Variants in TAX1BP1 observed in about 807,000 individuals in gnomAD.
The protein encoded by TAX1BP1 is Tax1 binding protein 1.
A neutral mutation model predicts 97.7 loss-of-function variants in TAX1BP1; 62 were observed. That is an observed-to-expected ratio of 0.63 (90% CI 0.52 to 0.78). The LOEUF (loss-of-function observed/expected upper bound fraction) is 0.78, where lower values mean the gene tolerates loss of function less well. TAX1BP1 is among the 30% of genes least tolerant of loss of function. The pLI is 0.00. For synonymous variants in TAX1BP1, 340 were observed against 304.2 expected (o/e 1.12, Z -1.23); for missense variants, 867 against 916.1 (o/e 0.95, Z 0.69).
intron 3 of TAX1BP1, among the ~76,000 whole-genome samples, chr7:27,758,710 A>G (rs1788316841): frequency 6.6e-6 from 1 of 152,198 alleles, no homozygotes; most frequent in Admixed American, 6.5e-5. Context: ...AATCACAAAA[A>G]GAAAAATACT....
chr7:27,782,028 A>C lies in TAX1BP1; in HGVS notation c.613-3135A>C, dbSNP rs184630678. ...ACCGCACCTGGCCAGACTATACTAA[A>C]TGTATAAAATATTTTTTTCTCCAAA... On this transcript the variant is annotated intron_variant, in intron 5 of 16. Coordinates refer to ENST00000396319, the MANE Select transcript of TAX1BP1 (RefSeq NM_006024.7). Among the ~76,000 whole-genome samples, 939 of 152,248 alleles carry C rather than the reference A, an allele frequency of 6.2e-3. 3 individuals are homozygous for C. Among genetic ancestry groups the C allele is most frequent in the Middle Eastern group, 0.024 (7 of 294 alleles).
intron 5 of TAX1BP1, among the ~76,000 whole-genome samples, chr7:27,779,775 T>C (rs1302703307): frequency 6.6e-6 from 1 of 152,182 alleles, no homozygotes; most frequent in Non-Finnish European, 1.5e-5. Flanking sequence ...TGCATGATTA[T>C]TCGGGGGCCT....
chr7:27,814,271 TCTC>T (rs1253695917), intron 13 of TAX1BP1, among the ~76,000 whole-genome samples: 1 of 152,170 alleles, frequency 6.6e-6, no homozygotes, highest in Non-Finnish European at 1.5e-5. Flanking sequence ...TCTAAATATA[TCTC>T]CTATTTCTCA....
intron 11 of TAX1BP1, 95 bp from the exon 12 acceptor site, chr7:27,796,020 AT>A (rs1789919220): frequency 2.4e-6 from 2 of 839,234 alleles, no homozygotes; most frequent in African/African-American, 3.5e-5. Flanking sequence ...CATTTACTAT[AT>A]TTTACAGTAT....
At chr7:27,747,821 A>G (rs1787881079) in intron 1 of TAX1BP1, among the ~76,000 whole-genome samples, 1 of 151,484 alleles carries the variant, frequency 6.6e-6, no homozygotes, top group Admixed American at 6.6e-5. Flanking sequence ...ACAGACACAC[A>G]TGCACACACT....
chr7:27,828,107 A>G (rs1476213065), intron 16 of TAX1BP1, among the ~76,000 whole-genome samples: 2 of 152,242 alleles, frequency 1.3e-5, no homozygotes, highest in Non-Finnish European at 2.9e-5. Context: ...TAGTTTTGCA[A>G]AAAACACCTA....
intron 7 of TAX1BP1, among the ~76,000 whole-genome samples, chr7:27,785,796 G>A (rs1351356850): frequency 6.6e-6 from 1 of 152,146 alleles, no homozygotes; most frequent in East Asian, 1.9e-4. Context: ...GCTTCTCTCA[G>A]AGTGAGTGAT....
intron 1 of TAX1BP1, among the ~76,000 whole-genome samples, chr7:27,744,551 T>C (rs1787748357): frequency 6.6e-6 from 1 of 152,262 alleles, no homozygotes; most frequent in Non-Finnish European, 1.5e-5. Flanking sequence ...ATATTTAGTA[T>C]TTATCTAAAT....
At chr7:27,741,763 G>A (rs1258047525) in intron 1 of TAX1BP1, among the ~76,000 whole-genome samples, 1 of 152,160 alleles carries the variant, frequency 6.6e-6, no homozygotes, top group African/African-American at 2.4e-5. Context: ...GAAATAAGGG[G>A]ATCCGGGGAA....
chr7:27,813,350 C>CT (rs1031717788), intron 13 of TAX1BP1, among the ~76,000 whole-genome samples: 169 of 145,448 alleles, frequency 1.2e-3, no homozygotes, highest in South Asian at 1.8e-3. Flanking sequence ...CTTTTCTTTT[C>CT]TTTTTTTTTT....
chr7:27,760,216 A>G (rs574888922), intron 3 of TAX1BP1, among the ~76,000 whole-genome samples: 2 of 152,248 alleles, frequency 1.3e-5, no homozygotes, highest in East Asian at 3.9e-4. Context: ...TACCATATTC[A>G]GAATGTTAAA....
At chr7:27,806,333 G>A (rs1285759327) in intron 13 of TAX1BP1, among the ~76,000 whole-genome samples, 1 of 151,598 alleles carries the variant, frequency 6.6e-6, no homozygotes. Context: ...TGATCCACCC[G>A]CCTCAGCCTT....
In TAX1BP1 at chr7:27,816,469, G is replaced by GC. The variant is rs752000060; in HGVS notation, c.1886dup (p.Gln630ThrfsTer8). 1 of 1,563,208 alleles carries GC rather than the reference G, an allele frequency of 6.4e-7. No homozygotes were observed. Among genetic ancestry groups the GC allele is most frequent in the South Asian group, 1.2e-5 (1 of 80,626 alleles). On this transcript the variant is annotated frameshift_variant, in exon 14 of 17. Coordinates refer to ENST00000396319, the MANE Select transcript of TAX1BP1 (RefSeq NM_006024.7). LOFTEE classifies it high-confidence loss of function. Reference sequence around the variant, plus strand: ...TGGTTATGTTCTCACATTGTCAAATGCACAACCAGTTCTGCAATATGGTAA... The same window carrying GC: ...TGGTTATGTTCTCACATTGTCAAATGCCACAACCAGTTCTGCAATATGGTAA...
Position 27,799,982 on chromosome 7 carries a change from C to A in TAX1BP1, c.1656C>A (p.Cys552Ter). Reference sequence around the variant, plus strand: ...TCATTTAGGATGAGAAAGCAAAATGCAATAAATATGCTGATGAACTTGCAA... The same window carrying A: ...TCATTTAGGATGAGAAAGCAAAATGAAATAAATATGCTGATGAACTTGCAA... ...KQLLQDEKAK[C>*]NKYADELAKM... Residue 552 changes from cysteine (C) to a stop codon, truncating the protein, a stop_gained, in exon 13 of 17, where the codon TGC (cysteine) becomes TGA (stop). Coordinates refer to ENST00000396319, the MANE Select transcript of TAX1BP1 (RefSeq NM_006024.7). LOFTEE classifies it high-confidence loss of function. 6.3e-7 allele frequency: 1 copy of A among 1,594,090 alleles called. No individual in the cohort carries two copies. The highest frequency in any genetic ancestry group is 8.5e-7 in the Non-Finnish European group (1 of 1,172,724).
chr7:27,744,830 T>G (rs1291089883), intron 1 of TAX1BP1, among the ~76,000 whole-genome samples: 2 of 152,200 alleles, frequency 1.3e-5, no homozygotes, highest in East Asian at 3.8e-4. Context: ...CTATATATTA[T>G]TTATCTTTTT....
chr7:27,744,210 C>T (rs1353035348), intron 1 of TAX1BP1, among the ~76,000 whole-genome samples: 7 of 152,178 alleles, frequency 4.6e-5, no homozygotes, highest in East Asian at 1.9e-4. Context: ...CTGCAGGCTC[C>T]GCCCCCCAGG....
intron 15 of TAX1BP1, among the ~76,000 whole-genome samples, chr7:27,818,281 G>A (rs1790855176): frequency 6.6e-6 from 1 of 152,182 alleles, no homozygotes; most frequent in African/African-American, 2.4e-5. Context: ...ATTTGGTAAT[G>A]AGATGGAGGA....
chr7:27,782,538 C>CCAA (rs1199231274), intron 5 of TAX1BP1, among the ~76,000 whole-genome samples: 15 of 152,090 alleles, frequency 9.9e-5, no homozygotes, highest in African/African-American at 3.6e-4. Flanking sequence ...ATGTGAGCTG[C>CCAA]CACACCGGCC....
chr7:27,746,326 T>A (rs552392988), intron 1 of TAX1BP1, among the ~76,000 whole-genome samples: 24 of 151,940 alleles, frequency 1.6e-4, no homozygotes, highest in Non-Finnish European at 2.8e-4. Flanking sequence ...GTTGGTTCTG[T>A]TGATTTAGCT....
Sources: allele counts gnomAD v4.1 joint callset (sites outside exome capture counted in the v4.1 genomes callset), GRCh38; gene constraint gnomAD v4.1.1; transcripts MANE v1.5; gene names NCBI Gene and HGNC (gene_info 2026-07-23, HGNC 2026-07-21).